The following DENND4C variants were observed in gnomAD, a reference collection of about 807,000 sequenced individuals.
The protein encoded by DENND4C is DENN domain containing 4C, also known as DENN domain-containing protein 4C.
A neutral mutation model predicts 203.0 loss-of-function variants in DENND4C; 108 were observed. That is an observed-to-expected ratio of 0.53 (90% CI 0.46 to 0.62). The LOEUF (loss-of-function observed/expected upper bound fraction) is 0.62, where lower values mean the gene tolerates loss of function less well. Among genes scored for constraint, DENND4C ranks in the 20% least tolerant of loss-of-function variants. DENND4C has a pLI of 0.00. For synonymous variants in DENND4C, 871 were observed against 792.4 expected (o/e 1.10, Z -1.67); for missense variants, 2,481 against 2,301.2 (o/e 1.08, Z -1.60).
chr9:19,304,301 C>T (rs1169890144), intron 9 of DENND4C, among the ~76,000 whole-genome samples: 5 of 151,534 alleles, frequency 3.3e-5, no homozygotes, highest in Non-Finnish European at 1.5e-5. Flanking sequence ...TCTCCTGCCC[C>T]AGCCTCCCGA....
intron 15 of DENND4C, among the ~76,000 whole-genome samples, chr9:19,326,697 A>G (rs1283438883): frequency 6.6e-6 from 1 of 152,112 alleles, no homozygotes; most frequent in Non-Finnish European, 1.5e-5. Flanking sequence ...AAACTAATAC[A>G]TCATTCTAGC....
chr9:19,294,583 G>A (rs1250690071), intron 5 of DENND4C, among the ~76,000 whole-genome samples: 12 of 152,110 alleles, frequency 7.9e-5, no homozygotes, highest in African/African-American at 1.9e-4. Flanking sequence ...ATACTTGTAC[G>A]CCAATGTTTG....
chr9:19,353,629 G>GA (rs973246114), intron 26 of DENND4C, among the ~76,000 whole-genome samples: 3 of 151,454 alleles, frequency 2.0e-5, no homozygotes, highest in African/African-American at 4.9e-5. Flanking sequence ...CTCTGTCTCT[G>GA]AAAAAACAAC....
chr9:19,279,743 AGGCTGAGGT>A (rs1833653461), intron 2 of DENND4C, among the ~76,000 whole-genome samples: 2 of 152,068 alleles, frequency 1.3e-5, no homozygotes, highest in South Asian at 4.1e-4. Flanking sequence ...GCTACTCAGA[AGGCTGAGGT>A]GGGAGGATCA....
At chr9:19,320,286 C>T (rs1842663949) in intron 12 of DENND4C, among the ~76,000 whole-genome samples, 1 of 151,918 alleles carries the variant, frequency 6.6e-6, no homozygotes, top group Non-Finnish European at 1.5e-5. Context: ...GCAACCTCTG[C>T]CTCCCAGGCT....
intron 12 of DENND4C, among the ~76,000 whole-genome samples, chr9:19,319,750 A>G (rs892656016): frequency 6.6e-6 from 1 of 152,128 alleles, no homozygotes; most frequent in African/African-American, 2.4e-5. Context: ...GACATTAGAC[A>G]AGAAAAAAAT....
chr9:19,284,694 A>G (rs1365547400), intron 2 of DENND4C, among the ~76,000 whole-genome samples: 1 of 152,118 alleles, frequency 6.6e-6, no homozygotes, highest in Non-Finnish European at 1.5e-5. Flanking sequence ...TCATTGCTCC[A>G]TAAGTTTAAG....
Position 19,346,632 on chromosome 9 carries a change from A to C in DENND4C, c.3863A>C (p.Tyr1288Ser). ...AATCTGGCTGATGAAATAGAAAGCT[A>C]TATGAACCTAAAAAGTCCCCTAGGT... ...ARNLADEIES[Y>S]MNLKSPLGSK... The change falls in exon 23 of 33, where the codon TAT becomes TCT. Residue 1288 changes from tyrosine (Y) to serine (S), a missense_variant. Physicochemically the swap from Tyr to Ser is moderately radical, Grantham distance 144. This residue lies in a region of DENND4C where 2,289 missense variants were observed against 2,113.3 expected (regional missense o/e 1.08). Coordinates refer to ENST00000434457, the MANE Select transcript of DENND4C (RefSeq NM_001330640.2). 3 of 1,614,196 alleles carry C rather than the reference A, an allele frequency of 1.9e-6. No individual in the cohort carries two copies. Among genetic ancestry groups the C allele is most frequent in the Non-Finnish European group, 2.5e-6 (3 of 1,180,048 alleles).
In DENND4C at chr9:19,265,860, A is replaced by G. The variant is rs1588783607; in HGVS notation, c.-17-10298A>G. ...TCTTAATCCAGTCTATCATTGTTGG[A>G]CATTTGGGTTGGTTCCAAGTCTTTA... On this transcript the variant is annotated intron_variant, in intron 1 of 32. Coordinates refer to ENST00000434457, the MANE Select transcript of DENND4C (RefSeq NM_001330640.2). Among the ~76,000 whole-genome samples the G allele has an allele frequency of 1.2e-4, 18 of 152,236 alleles. No homozygotes were observed. The South Asian group carries it at 3.7e-3, about 32-fold the overall frequency.
intron 10 of DENND4C, among the ~76,000 whole-genome samples, chr9:19,308,963 A>G (rs79744013): frequency 6.6e-6 from 1 of 152,190 alleles, no homozygotes; most frequent in Non-Finnish European, 1.5e-5. Context: ...CCTTGAAAAC[A>G]TTATGTTAAA....
chr9:19,258,630 T>C (rs181277994), intron 1 of DENND4C, among the ~76,000 whole-genome samples: 45 of 152,332 alleles, frequency 3.0e-4, no homozygotes, highest in Admixed American at 2.0e-3. Context: ...TGATAAATTC[T>C]AATATCCATT....
At chr9:19,314,945 T>A (rs1182571840) in intron 10 of DENND4C, among the ~76,000 whole-genome samples, 1 of 151,788 alleles carries the variant, frequency 6.6e-6, no homozygotes, top group Admixed American at 6.6e-5. Context: ...GCGTATCACA[T>A]GAGGTCAGGA....
intron 1 of DENND4C, among the ~76,000 whole-genome samples, chr9:19,258,195 G>A (rs1000962135): frequency 6.6e-6 from 1 of 152,066 alleles, no homozygotes; most frequent in Non-Finnish European, 1.5e-5. Context: ...ATGTGTTAAA[G>A]GAATTGAAAT....
At chr9:19,367,748 GA>G (rs1249635225) in intron 30 of DENND4C, among the ~76,000 whole-genome samples, 2 of 150,554 alleles carry the variant, frequency 1.3e-5, no homozygotes, top group South Asian at 2.1e-4. Context: ...TCAAAAACAA[GA>G]AAAAAAAATT....
chr9:19,343,551 C>T (rs1822146387), intron 22 of DENND4C, among the ~76,000 whole-genome samples: 2 of 152,308 alleles, frequency 1.3e-5, no homozygotes, highest in African/African-American at 4.8e-5. Flanking sequence ...ACTCCTTGTT[C>T]TTAAAGTCTT....
chr9:19,343,957 C>T (rs947822619), intron 22 of DENND4C, among the ~76,000 whole-genome samples: 4 of 152,114 alleles, frequency 2.6e-5, no homozygotes, highest in African/African-American at 9.7e-5. Flanking sequence ...ATTTGTTTCT[C>T]AAATATTGGG....
In DENND4C at chr9:19,346,682, CACAGAGAGGAAA is replaced by C. The variant is rs745703835; in HGVS notation, c.3922_3933del (p.Glu1308_Glu1311del). On this transcript the variant is annotated inframe_deletion, in exon 23 of 33. Coordinates refer to ENST00000434457, the MANE Select transcript of DENND4C (RefSeq NM_001330640.2). ...TAGTAAATCTTCTAGTATGGAATTACACAGAGAGGAAAACAGAGAGTCTGGCATGACTACTGC... is the reference window on the plus strand; with the variant it reads ...TAGTAAATCTTCTAGTATGGAATTACACAGAGAGTCTGGCATGACTACTGC... 2 of 1,614,132 alleles carry C rather than the reference CACAGAGAGGAAA, an allele frequency of 1.2e-6. No individual in the cohort carries two copies. The highest frequency in any genetic ancestry group is 3.3e-5 in the Admixed American group (2 of 60,020).
chr9:19,316,468 C>G lies in DENND4C; in HGVS notation c.1539C>G (p.Cys513Trp), dbSNP rs756030827. The G allele has an allele frequency of 1.2e-6, 2 of 1,613,630 alleles. No homozygotes were observed. The highest frequency in any genetic ancestry group is 2.7e-5 in the African/African-American group (2 of 74,882). ...GGAAGCAACTTCCCAAAAAGCCGTG[C>G]AAAAATCTACTTAGCACCTTAAAGA... The part of the protein sequence containing the change: ...MNWKQLPKKP[C>W]KNLLSTLKKL... Residue 513 changes from cysteine to tryptophan, a missense_variant, in exon 11 of 33, where the codon TGC becomes TGG. Transcript: ENST00000434457.
intron 1 of DENND4C, among the ~76,000 whole-genome samples, chr9:19,232,858 T>TTTA (rs1820924107): frequency 6.6e-6 from 1 of 152,150 alleles, no homozygotes; most frequent in Non-Finnish European, 1.5e-5. Context: ...TTATAAATAA[T>TTTA]AACTCAATAA....
Sources: gnomAD v4.1 joint callset for allele counts (sites outside exome capture counted in the v4.1 genomes callset) on GRCh38, gnomAD v4.1.1 for gene constraint, gnomAD v4.1.1 regional missense constraint, MANE v1.5 for transcripts, NCBI Gene and HGNC (gene_info 2026-07-23, HGNC 2026-07-21) for gene names.